The following EPB41L4A variants were observed in gnomAD, a reference collection of about 807,000 sequenced individuals.
EPB41L4A encodes band 4.1-like protein 4A.
EPB41L4A carries 100 observed loss-of-function variants against 108.6 expected under a neutral mutation model. The observed-to-expected ratio is 0.92, with a 90% CI of 0.78 to 1.09. The LOEUF (loss-of-function observed/expected upper bound fraction) is 1.09, where lower values mean the gene tolerates loss of function less well. Among genes scored for constraint, EPB41L4A ranks in the 50% least tolerant of loss-of-function variants. The pLI is 0.00. For missense variants in EPB41L4A, 1,030 were observed against 842.7 expected, an observed-to-expected ratio of 1.22 and a Z score of -2.75; for synonymous variants, 319 against 289.0, an observed-to-expected ratio of 1.10 and a Z score of -1.05.
chr5:112,292,436 G>C lies in EPB41L4A; in HGVS notation c.205-12113C>G, dbSNP rs548112343. On this transcript the variant is annotated intron_variant, in intron 2 of 22. Coordinates refer to ENST00000261486, the MANE Select transcript of EPB41L4A (RefSeq NM_022140.5). Reference sequence around the variant, plus strand: ...CATCAGCTTTTAAAGGCCCACTTCTGTTAATTCATAAAGCAGCTCTCAAAA... The same window carrying C: ...CATCAGCTTTTAAAGGCCCACTTCTCTTAATTCATAAAGCAGCTCTCAAAA... Among the ~76,000 whole-genome samples, 19 of 152,244 alleles carry C rather than the reference G, an allele frequency of 1.2e-4. No homozygotes were observed. In the Middle Eastern group the frequency reaches 0.01, roughly 82 times the overall value.
intron 1 of EPB41L4A, among the ~76,000 whole-genome samples, chr5:112,415,131 T>C (rs1369844177): frequency 6.6e-6 from 1 of 152,212 alleles, no homozygotes; most frequent in Non-Finnish European, 1.5e-5. Flanking sequence ...TAATTTTTGG[T>C]AAGTGAGATG....
chr5:112,286,454 G>T lies in EPB41L4A; in HGVS notation c.205-6131C>A, dbSNP rs114583063. Among the ~76,000 whole-genome samples the T allele has an allele frequency of 7.7e-3, 1,165 of 152,182 alleles. 16 individuals carry two copies. Among genetic ancestry groups the T allele is most frequent in the African/African-American group, 0.027 (1,105 of 41,528 alleles). Reference sequence around the variant, plus strand: ...TCCGTCATTCTCCTTAATAATTCTTGACACTTTCTCCTCTGTCCTTAAACT... The same window carrying T: ...TCCGTCATTCTCCTTAATAATTCTTTACACTTTCTCCTCTGTCCTTAAACT... On this transcript the variant is annotated intron_variant, in intron 2 of 22. Transcript: ENST00000261486.
intron 12 of EPB41L4A, among the ~76,000 whole-genome samples, chr5:112,212,806 G>A (rs963072789): frequency 2.6e-5 from 4 of 152,036 alleles, no homozygotes; most frequent in African/African-American, 9.7e-5. Context: ...TGAACATCCT[G>A]TTAACCAAGG....
At chr5:112,254,556 G>T (rs114261289) in intron 9 of EPB41L4A, among the ~76,000 whole-genome samples, 2 of 152,236 alleles carry the variant, frequency 1.3e-5, no homozygotes, top group Non-Finnish European at 2.9e-5. Context: ...CTGAGTCTGA[G>T]CTCATGCCCA....
At chr5:112,330,509 T>C (rs1274792727) in intron 1 of EPB41L4A, among the ~76,000 whole-genome samples, 2 of 152,182 alleles carry the variant, frequency 1.3e-5, no homozygotes, top group East Asian at 1.9e-4. Flanking sequence ...GTGGCTTGCA[T>C]GCATCCTGTA....
chr5:112,221,047 T>C (rs1748010745), intron 12 of EPB41L4A, among the ~76,000 whole-genome samples: 2 of 152,322 alleles, frequency 1.3e-5, no homozygotes, highest in South Asian at 4.1e-4. Context: ...TTAAACAAAG[T>C]TGTACACTTT....
chr5:112,403,986 T>C (rs1761938739), intron 1 of EPB41L4A, among the ~76,000 whole-genome samples: 1 of 152,214 alleles, frequency 6.6e-6, no homozygotes, highest in Non-Finnish European at 1.5e-5. Flanking sequence ...GAGAGAAAGC[T>C]GGTTGTTGTT....
intron 1 of EPB41L4A, among the ~76,000 whole-genome samples, chr5:112,360,434 T>A (rs1262009296): frequency 6.6e-6 from 1 of 152,166 alleles, no homozygotes; most frequent in Admixed American, 6.5e-5. Flanking sequence ...CCGCCACGCC[T>A]GACTGGTTTT....
chr5:112,410,140 G>T (rs1490620843), intron 1 of EPB41L4A, among the ~76,000 whole-genome samples: 1 of 152,164 alleles, frequency 6.6e-6, no homozygotes, highest in Non-Finnish European at 1.5e-5. Flanking sequence ...AAGGAGGTGG[G>T]TGGGGCTTTC....
At chr5:112,263,310 A>T (rs1751626939) in intron 6 of EPB41L4A, 2 of 152,226 alleles carry the variant, frequency 1.3e-5, no homozygotes, top group Non-Finnish European at 2.9e-5. Context: ...GTCAAATCTC[A>T]AAAATTAAGA....
At chr5:112,170,396 T>C in intron 19 of EPB41L4A, 27 bp from the exon 20 acceptor site, 1 of 1,418,284 alleles carries the variant, frequency 7.1e-7, no homozygotes, top group Non-Finnish European at 1.0e-6. Flanking sequence ...AAGAAAATGA[T>C]AGTTGTGGTG....
At chr5:112,177,054 C>T (rs1047484763) in intron 18 of EPB41L4A, among the ~76,000 whole-genome samples, 9 of 152,206 alleles carry the variant, frequency 5.9e-5, no homozygotes, top group Non-Finnish European at 1.0e-4. Flanking sequence ...CGTCCCCGGC[C>T]AGCAACTTCT....
intron 1 of EPB41L4A, among the ~76,000 whole-genome samples, chr5:112,350,143 A>G (rs1328641861): frequency 1.5e-5 from 1 of 64,998 alleles, no homozygotes; most frequent in Non-Finnish European, 4.6e-5. Flanking sequence ...ATCTTTATAT[A>G]TTTTGTTTAA....
In EPB41L4A at chr5:112,204,414, C is replaced by A; in HGVS notation, c.1337G>T (p.Cys446Phe). The A allele has an allele frequency of 1.9e-6, 3 of 1,613,882 alleles. No homozygotes were observed. The Admixed American group carries it at 5.0e-5, about 27-fold the overall frequency. ...CTGTACAGAATCATTGTCACTTCCACAGGAGGGGTTTCGGCGACGCGTGTA... is the reference window on the plus strand; with the variant it reads ...CTGTACAGAATCATTGTCACTTCCAAAGGAGGGGTTTCGGCGACGCGTGTA... ...FPYTRRRNPS[C>F]GSDNDSVQPV... Residue 446 changes from cysteine to phenylalanine, a missense_variant, in exon 15 of 23, where the codon TGT becomes TTT. Cys to Phe is a radical substitution (Grantham distance 205). Transcript: ENST00000261486.
chr5:112,334,034 G>A (rs764829954), intron 1 of EPB41L4A, among the ~76,000 whole-genome samples: 1 of 152,150 alleles, frequency 6.6e-6, no homozygotes, highest in African/African-American at 2.4e-5. Flanking sequence ...TGATGGGAAC[G>A]GGTTGCGGGG....
At position 112,182,042 on chromosome 5, in the gene EPB41L4A, C is replaced by T. The variant is rs1167444589; in HGVS notation, c.1622+1974G>A. ...GAGCCAGGATTGGGCCACTGTACTC[C>T]AGCCTGGGTGACAGAGAAAAAAAAA... On this transcript the variant is annotated intron_variant, in intron 18 of 22. Coordinates refer to ENST00000261486, the MANE Select transcript of EPB41L4A (RefSeq NM_022140.5). 3.3e-5 allele frequency among the ~76,000 whole-genome samples: 5 copies of T among 151,756 alleles called. No individual in the cohort carries two copies. The East Asian group carries it at 5.8e-4, about 18-fold the overall frequency.
Position 112,151,405 on chromosome 5 carries a change from ATTTTAT to A in EPB41L4A, n.995-5413_995-5408del, listed in dbSNP as rs1759461930. On this transcript the variant is annotated intron_variant and non_coding_transcript_variant, in intron 12 of 13. Transcript: ENST00000507810. ...ATATATTTATATATATTTGTATATTATTTTATTTTTATTTATTTTTGAGACAGAGTC... is the reference window on the plus strand; with the variant it reads ...ATATATTTATATATATTTGTATATTATTTTATTTATTTTTGAGACAGAGTC... Among the ~76,000 whole-genome samples, 3 of 149,310 alleles carry A rather than the reference ATTTTAT, an allele frequency of 2.0e-5. 1 individual carries two copies. The South Asian group carries it at 6.3e-4, about 31-fold the overall frequency.
intron 12 of EPB41L4A, among the ~76,000 whole-genome samples, chr5:112,153,479 A>G (rs1759542537): frequency 1.3e-5 from 2 of 151,444 alleles, no homozygotes; most frequent in African/African-American, 4.8e-5. Context: ...CAGTGAGCCA[A>G]GATAGCGCCA....
At chr5:112,222,963 A>G (rs1338025578) in intron 12 of EPB41L4A, among the ~76,000 whole-genome samples, 1 of 143,310 alleles carries the variant, frequency 7.0e-6, no homozygotes, top group Non-Finnish European at 1.5e-5. Context: ...TTTTTTTAAG[A>G]TGGAGTCTGG....
Sources: allele counts gnomAD v4.1 joint callset (sites outside exome capture counted in the v4.1 genomes callset), GRCh38; gene constraint gnomAD v4.1.1; transcripts MANE v1.5; gene names NCBI Gene and HGNC (gene_info 2026-07-23, HGNC 2026-07-21).